The following TRRAP variants were observed in gnomAD, a reference collection of about 807,000 sequenced individuals.
The protein encoded by TRRAP is transformation/transcription domain associated protein, also known as transformation/transcription domain-associated protein.
A neutral mutation model predicts 438.8 loss-of-function variants in TRRAP; 41 were observed. The ratio of observed to expected loss-of-function variants is 0.09; its 90% CI spans 0.07 to 0.12. TRRAP has a LOEUF of 0.12. TRRAP is among the 10% of genes least tolerant of loss of function. TRRAP has a pLI of 1.00. For synonymous variants in TRRAP, 1,994 were observed against 1,962.9 expected, an observed-to-expected ratio of 1.02 and a Z score of -0.42; for missense variants, 3,122 against 5,055.1, an observed-to-expected ratio of 0.62 and a Z score of 11.60.
chr7:98,899,665 A>T lies in TRRAP; in HGVS notation c.712-14A>T, dbSNP rs1360469656. The T allele has an allele frequency of 1.2e-6, 2 of 1,613,998 alleles. No individual in the cohort carries two copies. The highest frequency in any genetic ancestry group is 1.7e-6 in the Non-Finnish European group (2 of 1,179,986). On this transcript the variant is annotated splice_polypyrimidine_tract_variant and intron_variant, in intron 9 of 72. Coordinates refer to ENST00000456197, the MANE Select transcript of TRRAP (RefSeq NM_001375524.1). ...GAGTGTCAATGTATGAAAATCTGGTATGTTTGCTTTTAGCTCTACAAACTG... is the reference window on the plus strand; with the variant it reads ...GAGTGTCAATGTATGAAAATCTGGTTTGTTTGCTTTTAGCTCTACAAACTG...
intron 53 of TRRAP, among the ~76,000 whole-genome samples, chr7:98,974,604 CA>C (rs1377622628): frequency 6.6e-6 from 1 of 152,146 alleles, no homozygotes; most frequent in African/African-American, 2.4e-5. Context: ...TCCTGAGACA[CA>C]AAACCCTGAA....
At chr7:99,007,971 A>G (rs991800977) in intron 69 of TRRAP, among the ~76,000 whole-genome samples, 5 of 151,444 alleles carry the variant, frequency 3.3e-5, no homozygotes, top group African/African-American at 9.7e-5. Context: ...GATTACAGGC[A>G]CCTGCCACCA....
chr7:98,959,936 T>TGAAAAA (rs1483906654), intron 45 of TRRAP, among the ~76,000 whole-genome samples: 4 of 112,700 alleles, frequency 3.5e-5, no homozygotes, highest in African/African-American at 1.5e-4. Flanking sequence ...CCTGGTCTCT[T>TGAAAAA]AAAAAAAAAA....
Position 98,956,595 on chromosome 7 carries a change from C to G in TRRAP, c.6231+62C>G. The G allele has an allele frequency of 6.4e-7, 1 of 1,564,378 alleles. No individual in the cohort carries two copies. The highest frequency in any genetic ancestry group is 1.2e-5 in the South Asian group (1 of 82,732). On this transcript the variant is annotated intron_variant, in intron 43 of 72. Coordinates refer to ENST00000456197, the MANE Select transcript of TRRAP (RefSeq NM_001375524.1). This position sits in a 1 kb window ranked among gnomAD's most constrained non-coding sequence, Gnocchi z 4.5. ...CTGCTGGGAGTTGGTTCGTTTATTC[C>G]CTATATTTAGAATGTGAGCTCGGTG...
intron 3 of TRRAP, among the ~76,000 whole-genome samples, chr7:98,887,096 C>CT (rs143638261): frequency 0.041 from 6,193 of 151,816 alleles, 143 homozygotes; most frequent in South Asian, 0.054. Flanking sequence ...GAGAAATTCT[C>CT]TTTTTTTTAG....
In TRRAP at chr7:98,930,152, G is replaced by A. The variant is rs782104914; in HGVS notation, c.3339G>A (p.Val1113=). The change falls in exon 24 of 73, where the codon GTG becomes GTA. Residue 1113 remains valine (V), a synonymous_variant. Transcript: ENST00000456197. ...AGGAGCTTTGCAAAATCGGGGAGGT[G>A]GCCCTAGCTGTGATATTTGATGTTG... ...EEKELCKIGE[V]ALAVIFDVAS... The A allele has an allele frequency of 1.2e-6, 2 of 1,614,198 alleles. No individual in the cohort carries two copies. The highest frequency in any genetic ancestry group is 8.5e-7 in the Non-Finnish European group (1 of 1,180,040).
chr7:98,951,007 G>A lies in TRRAP; in HGVS notation c.5463+3G>A, dbSNP rs782731793. On this transcript the variant is annotated splice_donor_region_variant and intron_variant, in intron 39 of 72. Coordinates refer to ENST00000456197, the MANE Select transcript of TRRAP (RefSeq NM_001375524.1). ...TCACCAGTGTGTTTATTACCAAGGT[G>A]GTATCACTATGTGTGTGGGTGTGAG... is the stretch of plus-strand genomic sequence containing the variant. The A allele has an allele frequency of 1.3e-6, 2 of 1,587,846 alleles. No individual in the cohort carries two copies. Among genetic ancestry groups the A allele is most frequent in the Non-Finnish European group, 1.7e-6 (2 of 1,169,062 alleles).
chr7:99,010,089 T>C (rs568299118), intron 70 of TRRAP, among the ~76,000 whole-genome samples: 8 of 152,234 alleles, frequency 5.3e-5, no homozygotes, highest in Admixed American at 5.2e-4. Flanking sequence ...GGTTTCACCA[T>C]GTTGGCCAGG....
At position 98,921,952 on chromosome 7, in the gene TRRAP, A is replaced by G. The variant is rs2116468104; in HGVS notation, c.2822A>G (p.Lys941Arg). ...GCTTCTCTCCAGCTCCCCATGGAGA[A>G]GGTAAGCTCTGTGACAATGTCGTTT... ...CKASLQLPME[K>R]AIETALDCLK... The change falls in exon 21 of 73, where the codon AAG (lysine) becomes AGG (arginine). Residue 941 changes from lysine (K) to arginine (R), a missense_variant and splice_region_variant. Lys to Arg is a conservative substitution (Grantham distance 26). Around this residue, in one of 24 missense-constraint regions of TRRAP, gnomAD observed 133 missense variants for 188.6 expected, o/e 0.71. Coordinates refer to ENST00000456197, the MANE Select transcript of TRRAP (RefSeq NM_001375524.1). 1 of 1,614,240 alleles carries G rather than the reference A, an allele frequency of 6.2e-7. No individual in the cohort carries two copies. The highest frequency in any genetic ancestry group is 1.6e-4 in the Middle Eastern group (1 of 6,062).
intron 27 of TRRAP, 57 bp downstream of exon 27, chr7:98,933,459 T>A: frequency 1.3e-6 from 2 of 1,559,044 alleles, no homozygotes; most frequent in South Asian, 2.4e-5. Flanking sequence ...TCTGCTAGCC[T>A]GTCTTTGTAC....
Position 98,978,911 on chromosome 7 carries a change from C to T in TRRAP, c.8634+7C>T, listed in dbSNP as rs369939221. On this transcript the variant is annotated splice_region_variant and intron_variant, in intron 58 of 72. Transcript: ENST00000456197. The stretch of plus-strand genomic sequence containing the variant: ...GAAGGAGGCGCTGGTGCAGGTGAGA[C>T]GCCCCGGGGGCATCCCTGCCGCTGC... 3.6e-4 allele frequency: 573 copies of T among 1,613,436 alleles called. No individual in the cohort carries two copies. Among genetic ancestry groups the T allele is most frequent in the Non-Finnish European group, 4.5e-4 (530 of 1,180,008 alleles).
intron 7 of TRRAP, 60 bp from the exon 8 acceptor site, chr7:98,897,674 TTGTTTTG>T (rs1796277846): frequency 7.0e-6 from 10 of 1,430,130 alleles, no homozygotes; most frequent in Admixed American, 2.9e-5. Context: ...TTGTTTTGTT[TTGTTTTG>T]TTTTTGAATG....
At chr7:98,955,358 G>C in intron 41 of TRRAP, 54 bp downstream of exon 41, 1 of 1,525,592 alleles carries the variant, frequency 6.6e-7, no homozygotes, top group Non-Finnish European at 8.9e-7. Flanking sequence ...CATTCACTTT[G>C]AACCTTTACC....
chr7:98,915,992 A>G lies in TRRAP; in HGVS notation c.2365+104A>G. 3 of 1,468,334 alleles carry G rather than the reference A, an allele frequency of 2.0e-6. No individual in the cohort carries two copies. In the African/African-American group the frequency reaches 4.2e-5, roughly 20 times the overall value. The allele number at this position is 1,468,334 out of a possible 1,614,324, so 91.0% of individuals were successfully genotyped here. A position where few individuals can be genotyped will look rare whatever the true frequency, so the allele number is the denominator to read the frequency against. On this transcript the variant is annotated intron_variant, in intron 19 of 72. Coordinates refer to ENST00000456197, the MANE Select transcript of TRRAP (RefSeq NM_001375524.1). ...TCATCCTCTGTAACTGGTGAGTGTC[A>G]TGGTTGGTGGGATGGGATGTGGCAC...
chr7:98,964,573 C>G (rs1458121759), intron 47 of TRRAP, 56 bp from the exon 48 acceptor site: 12 of 1,586,190 alleles, frequency 7.6e-6, no homozygotes, highest in Non-Finnish European at 9.4e-6. Context: ...TGCTTTCACT[C>G]TGTTTTTCGT....
chr7:98,908,430 A>G lies in TRRAP; in HGVS notation c.1116-298A>G, dbSNP rs143452156. ...TTGAGCAACAAAACCCATTCAGTGC[A>G]TGATCAAGCTGGTAATATTCCTCCT... On this transcript the variant is annotated intron_variant, in intron 13 of 72. Transcript: ENST00000456197. This position sits in a 1 kb window ranked among gnomAD's most constrained non-coding sequence, Gnocchi z 4.1. Among the ~76,000 whole-genome samples the G allele has an allele frequency of 6.6e-5, 10 of 152,352 alleles. No individual in the cohort carries two copies. Among genetic ancestry groups the G allele is most frequent in the African/African-American group, 1.4e-4 (6 of 41,586 alleles).
At chr7:98,965,651 C>A in intron 48 of TRRAP, 45 bp from the exon 49 acceptor site, 1 of 1,610,494 alleles carries the variant, frequency 6.2e-7, no homozygotes, top group Non-Finnish European at 8.5e-7. Flanking sequence ...CTGTTTAAAT[C>A]AACGTTTAGA....
At chr7:99,009,655 C>T (rs546337677) in intron 70 of TRRAP, among the ~76,000 whole-genome samples, 1 of 152,214 alleles carries the variant, frequency 6.6e-6, no homozygotes, top group East Asian at 1.9e-4. Context: ...ATTCTTAAGG[C>T]GACATTAACT....
At position 99,009,424 on chromosome 7, in the gene TRRAP, C is replaced by T. The variant is rs149488873; in HGVS notation, c.10938+863C>T. On this transcript the variant is annotated intron_variant, in intron 70 of 72. Coordinates refer to ENST00000456197, the MANE Select transcript of TRRAP (RefSeq NM_001375524.1). Reference sequence around the variant, plus strand: ...CCATGGTGTACTCTGTGGCCCAGGGCACGGCAGGGCCCGAGGTATTCCAGG... The same window carrying T: ...CCATGGTGTACTCTGTGGCCCAGGGTACGGCAGGGCCCGAGGTATTCCAGG... Among the ~76,000 whole-genome samples the T allele has an allele frequency of 7.2e-3, 1,100 of 152,276 alleles. 12 individuals carry two copies. Among genetic ancestry groups the T allele is most frequent in the Non-Finnish European group, 0.013 (881 of 68,008 alleles).
Sources: allele counts gnomAD v4.1 joint callset (sites outside exome capture counted in the v4.1 genomes callset), GRCh38; gene constraint gnomAD v4.1.1; regional missense constraint gnomAD v4.1.1; non-coding constraint Gnocchi (gnomAD v3.1); transcripts MANE v1.5; gene names NCBI Gene and HGNC (gene_info 2026-07-23, HGNC 2026-07-21).